FER1L6: variants seen among roughly 807,000 people sequenced by gnomAD.
FER1L6 encodes the protein fer-1 like family member 6, also known as fer-1-like protein 6.
In FER1L6, 177 loss-of-function variants were observed where a neutral mutation model predicts 219.2. That is an observed-to-expected ratio of 0.81 (90% CI 0.71 to 0.91). The LOEUF (loss-of-function observed/expected upper bound fraction) is 0.91, where lower values mean the gene tolerates loss of function less well. Among genes scored for constraint, FER1L6 ranks in the 40% least tolerant of loss-of-function variants. The pLI, the probability that FER1L6 is intolerant of heterozygous loss-of-function variation, is 0.00. For missense variants in FER1L6, 2,153 were observed against 2,259.9 expected, an observed-to-expected ratio of 0.95 and a Z score of 0.96; for synonymous variants, 768 against 824.3, an observed-to-expected ratio of 0.93 and a Z score of 1.17.
chr8:123,898,062 T>A (rs1302354430), intron 1 of FER1L6, among the ~76,000 whole-genome samples: 3 of 152,078 alleles, frequency 2.0e-5, no homozygotes, highest in African/African-American at 7.3e-5. Context: ...ATTAAAAAAA[T>A]AAAATGTAAT....
At chr8:123,910,609 G>T (rs1184989110) in intron 1 of FER1L6, among the ~76,000 whole-genome samples, 1 of 151,928 alleles carries the variant, frequency 6.6e-6, no homozygotes, top group Non-Finnish European at 1.5e-5. Context: ...AAACCTAACT[G>T]AAACATTGCC....
chr8:123,973,651 A>G (rs1815923140), intron 7 of FER1L6, 139 bp downstream of exon 7: 2 of 696,554 alleles, frequency 2.9e-6, no homozygotes, highest in East Asian at 2.6e-5. Context: ...TGAATGAGAC[A>G]TAACTCTTGC....
In FER1L6 at chr8:124,060,243, C is replaced by A. The variant is rs776679484; in HGVS notation, c.2938C>A (p.Pro980Thr). ...VEPPDITQIY[P>T]VPANIRPVLS... The stretch of plus-strand genomic sequence containing the variant: ...GCCACCAGACATCACCCAGATCTAC[C>A]CGGTTCCTGCCAACATTCGGCCGGT... Residue 980 changes from proline to threonine, a missense_variant, in exon 23 of 41, where the codon CCG (proline) becomes ACG (threonine). Transcript: ENST00000522917. 21 of 1,613,754 alleles carry A rather than the reference C, an allele frequency of 1.3e-5. 1 individual carries two copies. Among genetic ancestry groups the A allele is most frequent in the Middle Eastern group, 1.6e-4 (1 of 6,082 alleles).
intron 2 of FER1L6, among the ~76,000 whole-genome samples, chr8:123,959,604 CTG>C (rs1815176853): frequency 6.6e-6 from 1 of 152,212 alleles, no homozygotes; most frequent in Non-Finnish European, 1.5e-5. Context: ...CTGAACATGG[CTG>C]TGTTTCTTTG....
intron 5 of FER1L6, among the ~76,000 whole-genome samples, chr8:123,968,737 T>C (rs1815668838): frequency 2.0e-5 from 3 of 152,228 alleles, no homozygotes; most frequent in Non-Finnish European, 1.5e-5. Flanking sequence ...GAATCTTTGG[T>C]TGATCTCTAA....
chr8:124,069,240 GTTAC>G, intron 28 of FER1L6, 116 bp from the exon 29 acceptor site: 2 of 765,820 alleles, frequency 2.6e-6, no homozygotes, highest in Non-Finnish European at 4.4e-6. Context: ...CTGGCCACAA[GTTAC>G]TATTTCTGAA....
intron 9 of FER1L6, among the ~76,000 whole-genome samples, 184 bp from the exon 10 acceptor site, chr8:123,977,233 T>C (rs1037044979): frequency 1.3e-5 from 2 of 152,246 alleles, no homozygotes; most frequent in African/African-American, 4.8e-5. Flanking sequence ...CTCAGATACC[T>C]GGCACGGTGT....
intron 1 of FER1L6, among the ~76,000 whole-genome samples, chr8:123,897,063 C>T (rs1812756577): frequency 6.6e-6 from 1 of 152,156 alleles, no homozygotes; most frequent in Admixed American, 6.6e-5. Context: ...CTTTTTCACA[C>T]ATCTCACATG....
chr8:124,005,429 G>C (rs1254569648), intron 13 of FER1L6, among the ~76,000 whole-genome samples: 6 of 152,126 alleles, frequency 3.9e-5, no homozygotes. Flanking sequence ...GCTGCTTCTG[G>C]ACCTTAGAAC....
chr8:124,082,338 T>C lies in FER1L6; in HGVS notation c.4271T>C (p.Leu1424Pro), dbSNP rs375520647. 16 of 1,613,850 alleles carry C rather than the reference T, an allele frequency of 9.9e-6. No homozygotes were observed. Among genetic ancestry groups the C allele is most frequent in the Non-Finnish European group, 1.4e-5 (16 of 1,179,898 alleles). ...TFPKESLLSI[L>P]IYDHDMIGTD... ...CCAAAAGAGTCCCTGCTCTCCATCC[T>C]GATCTATGACCATGACATGATTGGC... The change falls in exon 33 of 41, where the codon CTG becomes CCG. Residue 1424 changes from leucine to proline, a missense_variant. Coordinates refer to ENST00000522917, the MANE Select transcript of FER1L6 (RefSeq NM_001039112.2).
intron 1 of FER1L6, among the ~76,000 whole-genome samples, chr8:123,895,161 G>T (rs1485116693): frequency 6.6e-6 from 1 of 152,144 alleles, no homozygotes; most frequent in Non-Finnish European, 1.5e-5. Context: ...AAGTAATGAA[G>T]AAATACCAGA....
At chr8:123,983,005 A>G (rs1816387465) in intron 11 of FER1L6, among the ~76,000 whole-genome samples, 1 of 152,196 alleles carries the variant, frequency 6.6e-6, no homozygotes, top group African/African-American at 2.4e-5. Context: ...GAAATGAATC[A>G]TTTAGTCCAG....
At chr8:123,892,334 C>G (rs575323796) in intron 1 of FER1L6, among the ~76,000 whole-genome samples, 6 of 152,082 alleles carry the variant, frequency 3.9e-5, no homozygotes, top group Non-Finnish European at 7.4e-5. Flanking sequence ...CACTGTCGCC[C>G]TGGCTGGAGT....
chr8:124,005,556 C>G (rs760156673), intron 13 of FER1L6, among the ~76,000 whole-genome samples: 7 of 152,242 alleles, frequency 4.6e-5, no homozygotes, highest in Non-Finnish European at 1.0e-4. Context: ...TCACCTCCCC[C>G]AAGCACTGAT....
Position 124,060,641 on chromosome 8 carries a change from A to ATCCT in FER1L6, c.3079_3080insTCCT (p.Lys1027IlefsTer28). The stretch of plus-strand genomic sequence containing the variant: ...CATTGAGTGCGGAGGACAAGGTGTG[A>ATCCT]AGTCCTGCGTGATCCAGAGCTACAA... On this transcript the variant is annotated frameshift_variant, in exon 24 of 41. Coordinates refer to ENST00000522917, the MANE Select transcript of FER1L6 (RefSeq NM_001039112.2). LOFTEE classifies it high-confidence loss of function. The ATCCT allele has an allele frequency of 6.2e-7, 1 of 1,614,058 alleles. No homozygotes were observed. The highest frequency in any genetic ancestry group is 8.5e-7 in the Non-Finnish European group (1 of 1,179,984).
chr8:123,987,588 A>G (rs1486499504), intron 12 of FER1L6, among the ~76,000 whole-genome samples: 1 of 152,170 alleles, frequency 6.6e-6, no homozygotes, highest in African/African-American at 2.4e-5. Context: ...TACTCAAGAA[A>G]TCTTTGCCCA....
chr8:123,975,910 C>A lies in FER1L6; in HGVS notation c.696C>A (p.Ile232=). ...GTCTCCCTCTAAGGAACCTTTTGAT[C>A]CCCAATGGGTTTCCACTGGAGAGAC... ...TEEPIEKNLL[I]PNGFPLERPW... is the part of the protein sequence containing the mutation. Residue 232 remains isoleucine (I), a synonymous_variant, in exon 9 of 41, where the codon ATC becomes ATA. Transcript: ENST00000522917. 6.3e-7 allele frequency: 1 copy of A among 1,585,872 alleles called. No homozygotes were observed. The highest frequency in any genetic ancestry group is 8.6e-7 in the Non-Finnish European group (1 of 1,164,712).
chr8:123,988,953 G>T (rs1159715110), intron 12 of FER1L6, among the ~76,000 whole-genome samples: 1 of 152,092 alleles, frequency 6.6e-6, no homozygotes, highest in Non-Finnish European at 1.5e-5. Flanking sequence ...TGTGAAACTA[G>T]CTGTGGGTCT....
chr8:124,019,426 A>T (rs139587830), intron 16 of FER1L6, among the ~76,000 whole-genome samples: 294 of 152,260 alleles, frequency 1.9e-3, no homozygotes, highest in Non-Finnish European at 3.5e-3. Context: ...TTTTCACCTC[A>T]CCATGTATTG....
Sources: gnomAD v4.1 joint callset for allele counts (sites outside exome capture counted in the v4.1 genomes callset) on GRCh38, gnomAD v4.1.1 for gene constraint, MANE v1.5 for transcripts, NCBI Gene and HGNC (gene_info 2026-07-23, HGNC 2026-07-21) for gene names.